Variants in EGFR observed in about 807,000 individuals in gnomAD.
EGFR encodes the protein avian erythroblastic leukemia viral (v-erb-b) oncogene homolog.
EGFR carries 58 observed loss-of-function variants against 143.0 expected under a neutral mutation model. The ratio of observed to expected loss-of-function variants is 0.41; its 90% CI spans 0.33 to 0.50. The LOEUF (loss-of-function observed/expected upper bound fraction) is 0.50. EGFR is among the 20% of genes least tolerant of loss of function. The pLI is 0.39. For missense variants in EGFR, 1,307 were observed against 1,579.0 expected, an observed-to-expected ratio of 0.83 and a Z score of 2.92; for synonymous variants, 613 against 594.4, an observed-to-expected ratio of 1.03 and a Z score of -0.45.
At chr7:55,054,904 C>G (rs183005583) in intron 1 of EGFR, among the ~76,000 whole-genome samples, 1 of 152,198 alleles carries the variant, frequency 6.6e-6, no homozygotes, top group Non-Finnish European at 1.5e-5. Flanking sequence ...AGCCTCGTTG[C>G]GCACCCATGT....
At chr7:55,062,717 C>CAACAAAAAAAAAGGAA (rs1243749660) in intron 1 of EGFR, among the ~76,000 whole-genome samples, 4 of 152,078 alleles carry the variant, frequency 2.6e-5, no homozygotes, top group African/African-American at 9.7e-5. Flanking sequence ...TCTCAGTTTC[C>CAACAAAAAAAAAGGAA]TTTTTTCCCC....
At chr7:55,103,274 G>A (rs572895832) in intron 1 of EGFR, among the ~76,000 whole-genome samples, 7 of 152,304 alleles carry the variant, frequency 4.6e-5, no homozygotes, top group African/African-American at 1.7e-4. Flanking sequence ...TGTCCTCTCT[G>A]AGCAAATCTG....
Position 55,202,586 on chromosome 7 carries a change from A to G in EGFR, c.3232A>G (p.Thr1078Ala), listed in dbSNP as rs751342391. 6.2e-7 allele frequency: 1 copy of G among 1,613,544 alleles called. No individual in the cohort carries two copies. Among genetic ancestry groups the G allele is most frequent in the South Asian group, 1.1e-5 (1 of 90,908 alleles). The change falls in exon 27 of 28, where the codon ACT becomes GCT. Residue 1078 changes from threonine to alanine, a missense_variant. Thr to Ala is a moderately conservative substitution (Grantham distance 58). Around this residue, in one of 7 missense-constraint regions of EGFR, gnomAD observed 313 missense variants for 312.3 expected, o/e 1.00. Coordinates refer to ENST00000275493, the MANE Select transcript of EGFR (RefSeq NM_005228.5). The part of the protein sequence containing the change: ...RYSSDPTGAL[T>A]EDSIDDTFLP... ...CAGCTCAGACCCCACAGGCGCCTTG[A>G]CTGAGGACAGCATAGACGACACCTT...
chr7:55,025,612 G>A (rs1464660628), intron 1 of EGFR, among the ~76,000 whole-genome samples: 2 of 152,088 alleles, frequency 1.3e-5, no homozygotes, highest in African/African-American at 4.8e-5. Flanking sequence ...GAGCACAGGA[G>A]AGCAATGTGG....
chr7:55,054,005 C>G (rs1417177312), intron 1 of EGFR, among the ~76,000 whole-genome samples: 1 of 152,072 alleles, frequency 6.6e-6, no homozygotes. Flanking sequence ...AGGTCCCTCC[C>G]TCCCTCCCTC....
chr7:55,108,505 T>A (rs919803988), intron 1 of EGFR, among the ~76,000 whole-genome samples: 2 of 152,208 alleles, frequency 1.3e-5, no homozygotes, highest in Non-Finnish European at 2.9e-5. Flanking sequence ...AAATCTGTGG[T>A]CAGAGGTTTG....
chr7:55,154,807 T>C (rs538515967), intron 7 of EGFR, among the ~76,000 whole-genome samples: 2 of 152,198 alleles, frequency 1.3e-5, no homozygotes, highest in South Asian at 2.1e-4. Flanking sequence ...AAGCCACTCT[T>C]GATCTCTAGA....
chr7:55,096,130 A>C (rs926565418), intron 1 of EGFR, among the ~76,000 whole-genome samples: 1 of 152,220 alleles, frequency 6.6e-6, no homozygotes. Flanking sequence ...TTTTTATAGA[A>C]GAGAAAGTGA....
intron 11 of EGFR, 139 bp downstream of exon 11, chr7:55,157,892 G>A (rs1785508624): frequency 1.2e-6 from 1 of 865,512 alleles, no homozygotes; most frequent in Non-Finnish European, 1.9e-6. Context: ...TCTCACATGA[G>A]CAGGCACAGG....
intron 1 of EGFR, among the ~76,000 whole-genome samples, chr7:55,114,879 CTTTTTTT>C (rs777244842): frequency 4.3e-4 from 53 of 122,770 alleles, no homozygotes; most frequent in Non-Finnish European, 6.1e-4. Context: ...TTGTATTATT[CTTTTTTT>C]TTTTTTTTTT....
At chr7:55,053,719 C>T (rs1259424702) in intron 1 of EGFR, among the ~76,000 whole-genome samples, 3 of 152,246 alleles carry the variant, frequency 2.0e-5, no homozygotes, top group South Asian at 2.1e-4. Context: ...GGGCCAGGCC[C>T]GCAGCACTCC....
chr7:55,087,991 C>T (rs1410002549), intron 1 of EGFR, among the ~76,000 whole-genome samples: 5 of 152,146 alleles, frequency 3.3e-5, no homozygotes, highest in Non-Finnish European at 5.9e-5. Context: ...GGTAGGCCCA[C>T]AGAGGAGATA....
chr7:55,072,513 A>C (rs1436675134), intron 1 of EGFR, among the ~76,000 whole-genome samples: 1 of 152,196 alleles, frequency 6.6e-6, no homozygotes, highest in Admixed American at 6.5e-5. Context: ...GTGCATGTGA[A>C]GTGTCAATCA....
Position 55,156,678 on chromosome 7 carries a change from T to C in EGFR, c.1133+19T>C, listed in dbSNP as rs979381676. 2 of 1,614,234 alleles carry C rather than the reference T, an allele frequency of 1.2e-6. No individual in the cohort carries two copies. The highest frequency in any genetic ancestry group is 1.1e-5 in the South Asian group (1 of 91,080). ...TTAGGGGGTGAGTCACAGGTTCAGT[T>C]GCTTGTATAAAGAAAAACAAAATCT... On this transcript the variant is annotated intron_variant, in intron 9 of 27. Coordinates refer to ENST00000275493, the MANE Select transcript of EGFR (RefSeq NM_005228.5).
intron 1 of EGFR, among the ~76,000 whole-genome samples, chr7:55,042,301 A>T (rs1433629134): frequency 6.6e-6 from 1 of 152,216 alleles, no homozygotes; most frequent in Non-Finnish European, 1.5e-5. Flanking sequence ...AAGTCAAATA[A>T]CTGGTGGTTA....
intron 27 of EGFR, among the ~76,000 whole-genome samples, chr7:55,203,940 TA>T (rs1787986120): frequency 6.6e-6 from 1 of 151,024 alleles, no homozygotes; most frequent in Admixed American, 6.6e-5. Context: ...TCTTTATATA[TA>T]AAAATATGTA....
intron 1 of EGFR, among the ~76,000 whole-genome samples, chr7:55,120,901 G>A (rs1454692602): frequency 6.6e-6 from 1 of 152,184 alleles, no homozygotes; most frequent in African/African-American, 2.4e-5. Context: ...TTAGAAACTG[G>A]CCAGGTGTCA....
At chr7:55,200,479 TTC>T in intron 24 of EGFR, 66 bp downstream of exon 24, 1 of 1,481,874 alleles carries the variant, frequency 6.7e-7, no homozygotes, top group Admixed American at 1.7e-5. Flanking sequence ...TGTCACTGTG[TTC>T]TGTCACATGC....
At chr7:55,085,911 C>G (rs557388893) in intron 1 of EGFR, among the ~76,000 whole-genome samples, 3 of 152,334 alleles carry the variant, frequency 2.0e-5, no homozygotes, top group Admixed American at 6.5e-5. Flanking sequence ...TGTTTTGTCT[C>G]CTGAGCATGC....
Sources: gnomAD v4.1 joint callset for allele counts (sites outside exome capture counted in the v4.1 genomes callset) on GRCh38, gnomAD v4.1.1 for gene constraint, gnomAD v4.1.1 regional missense constraint, MANE v1.5 for transcripts, NCBI Gene and HGNC (gene_info 2026-07-23, HGNC 2026-07-21) for gene names.